Variants in PCDHGA9 observed in about 807,000 individuals in gnomAD.
PCDHGA9 encodes protocadherin gamma subfamily A, 9.
Under a neutral mutation model 62.5 loss-of-function variants are expected in PCDHGA9, and 37 were observed. The ratio of observed to expected loss-of-function variants is 0.59; its 90% confidence interval spans 0.46 to 0.78. The LOEUF (loss-of-function observed/expected upper bound fraction) is 0.78, where lower values mean the gene tolerates loss of function less well. Among genes scored for constraint, PCDHGA9 ranks in the 30% least tolerant of loss-of-function variants. The pLI is 0.00. For synonymous variants in PCDHGA9, 459 were observed against 484.6 expected (o/e 0.95, Z 0.69); for missense variants, 1,138 against 1,166.2 (o/e 0.98, Z 0.35).
chr5:141,447,208 C>T (rs1226099966), intron 1 of PCDHGA9, among the ~76,000 whole-genome samples: 1 of 152,078 alleles, frequency 6.6e-6, no homozygotes, highest in Non-Finnish European at 1.5e-5. Flanking sequence ...GGCTTGATCT[C>T]GGCTCACTGC....
chr5:141,496,766 CT>C (rs1361332988), intron 2 of PCDHGA9, among the ~76,000 whole-genome samples: 1 of 152,068 alleles, frequency 6.6e-6, no homozygotes, highest in Non-Finnish European at 1.5e-5. Context: ...TATCGAGCAT[CT>C]ACTATGAGCA....
At chr5:141,458,100 A>AT (rs2098937418) in intron 1 of PCDHGA9, among the ~76,000 whole-genome samples, 1 of 152,252 alleles carries the variant, frequency 6.6e-6, no homozygotes, top group Non-Finnish European at 1.5e-5. Context: ...GAGTACTTAC[A>AT]GATAGTCTCC....
rs191642740 is a variant in PCDHGA9 at position 141,509,833 on chromosome 5, C to T, written c.2573-1114C>T. On this transcript the variant is annotated intron_variant, in intron 3 of 3. Coordinates refer to ENST00000573521, the MANE Select transcript of PCDHGA9 (RefSeq NM_018921.3). ...GAGCTCTTCTCCATCTTCTCTCTAC[C>T]TCCCATTCACTCAGAACAGGGATAA... 2.6e-5 allele frequency among the ~76,000 whole-genome samples: 4 copies of T among 152,300 alleles called. No individual in the cohort carries two copies. The East Asian group carries it at 7.7e-4, about 29-fold the overall frequency.
At chr5:141,462,651 CA>C (rs60282352) in intron 1 of PCDHGA9, among the ~76,000 whole-genome samples, 42,411 of 152,004 alleles carry the variant, frequency 0.28, 6,634 homozygotes, top group African/African-American at 0.43. Flanking sequence ...TTTCCATCCT[CA>C]ATTATCTTCA....
Position 141,490,667 on chromosome 5 carries a change from T to C in PCDHGA9, c.2425-4140T>C, listed in dbSNP as rs906656199. The stretch of plus-strand genomic sequence containing the variant: ...CCTCCGGGCTCCCTTCTTTGCACTG[T>C]GGCTGCCTCAGATCCAGACACTGGG... On this transcript the variant is annotated intron_variant, in intron 1 of 3. Transcript: ENST00000573521. This position sits in a 1 kb window ranked among gnomAD's most constrained non-coding sequence, Gnocchi z 5.4. The C allele has an allele frequency of 6.8e-6, 11 of 1,614,206 alleles. 1 individual carries two copies. The highest frequency in any genetic ancestry group is 4.5e-5 in the East Asian group (2 of 44,876).
At chr5:141,419,635 G>A in intron 1 of PCDHGA9, 1 of 1,612,480 alleles carries the variant, frequency 6.2e-7, no homozygotes, top group African/African-American at 1.3e-5. Flanking sequence ...CCAAGGTGGT[G>A]GCCGTGGACG....
intron 1 of PCDHGA9, among the ~76,000 whole-genome samples, chr5:141,442,926 T>C (rs2098353621): frequency 6.6e-6 from 1 of 152,240 alleles, no homozygotes; most frequent in African/African-American, 2.4e-5. Flanking sequence ...TGTTTCATTT[T>C]CTATTTAAGA....
intron 1 of PCDHGA9, chr5:141,427,206 G>C (rs1224325038): frequency 1.1e-5 from 5 of 456,606 alleles, no homozygotes; most frequent in Admixed American, 2.3e-5. Context: ...AATAGACTTC[G>C]AATTTCGTAG....
At chr5:141,427,188 A>G (rs1346514063) in intron 1 of PCDHGA9, 1 of 456,744 alleles carries the variant, frequency 2.2e-6, no homozygotes, top group Admixed American at 2.3e-5. Flanking sequence ...AATTAAATCC[A>G]AAGACTTAAT....
At chr5:141,438,710 G>C (rs568772648) in intron 1 of PCDHGA9, among the ~76,000 whole-genome samples, 2 of 147,308 alleles carry the variant, frequency 1.4e-5, no homozygotes, top group South Asian at 4.3e-4. Context: ...ACCCAGGCTG[G>C]AGTGCAAGTG....
At chr5:141,450,006 C>CTTTTTTT (rs1554136305) in intron 1 of PCDHGA9, among the ~76,000 whole-genome samples, 1 of 132,982 alleles carries the variant, frequency 7.5e-6, no homozygotes, top group Admixed American at 7.8e-5. Context: ...TGCCATGTCT[C>CTTTTTTT]TTTTTTTTTT....
At chr5:141,501,926 C>T (rs1388315216) in intron 2 of PCDHGA9, among the ~76,000 whole-genome samples, 1 of 152,126 alleles carries the variant, frequency 6.6e-6, no homozygotes, top group African/African-American at 2.4e-5. Flanking sequence ...AGCTTTGTTC[C>T]CTCAACACCA....
At chr5:141,438,629 TATATATACAC>T (rs1412065186) in intron 1 of PCDHGA9, among the ~76,000 whole-genome samples, 590 of 47,950 alleles carry the variant, frequency 0.012, no homozygotes, top group African/African-American at 0.039. Flanking sequence ...TATATATATA[TATATATACAC>T]ACACACACAC....
At chr5:141,472,849 G>C (rs966051912) in intron 1 of PCDHGA9, among the ~76,000 whole-genome samples, 1 of 151,340 alleles carries the variant, frequency 6.6e-6, no homozygotes, top group East Asian at 2.0e-4. Flanking sequence ...AGCTGGGCAT[G>C]GTGGCACATG....
At position 141,465,659 on chromosome 5, in the gene PCDHGA9, T is replaced by C. The variant is rs184749770; in HGVS notation, c.2425-29148T>C. Among the ~76,000 whole-genome samples the C allele has an allele frequency of 3.5e-4, 53 of 152,318 alleles. 1 individual carries two copies. Among genetic ancestry groups the C allele is most frequent in the African/African-American group, 1.2e-3 (50 of 41,576 alleles). ...TGCTTTGAACATCCCAAAAAAGCGC[T>C]TGCCATGACATTTGCTCTTGACCAG... On this transcript the variant is annotated intron_variant, in intron 1 of 3. Transcript: ENST00000573521.
chr5:141,404,330 T>C lies in PCDHGA9; in HGVS notation c.1378T>C (p.Tyr460His). 6.2e-7 allele frequency: 1 copy of C among 1,613,934 alleles called. No homozygotes were observed. The highest frequency in any genetic ancestry group is 1.3e-5 in the African/African-American group (1 of 75,050). ...TTTCTCTCAAGCCTCCTACTCAGTC[T>C]ACCTCCCGGAAAACAACGCCAGAGG... Reference protein sequence around the residue: ...PAFSQASYSVYLPENNARGTS... With the variant: ...PAFSQASYSVHLPENNARGTS... Residue 460 changes from tyrosine to histidine, a missense_variant, in exon 1 of 4, where the codon TAC becomes CAC. Tyr to His is a moderately conservative substitution (Grantham distance 83, BLOSUM62 2). Transcript: ENST00000573521.
intron 1 of PCDHGA9, chr5:141,478,024 C>T: frequency 2.5e-6 from 4 of 1,614,188 alleles, no homozygotes; most frequent in Non-Finnish European, 3.4e-6. Context: ...CAGTCCAAGA[C>T]ACAGATTCAC....
chr5:141,504,705 T>C (rs960774850), intron 2 of PCDHGA9, among the ~76,000 whole-genome samples: 19 of 151,608 alleles, frequency 1.3e-4, no homozygotes, highest in Middle Eastern at 3.4e-3. Flanking sequence ...GGTTCTTCTA[T>C]GGCCGTGGAT....
Position 141,432,492 on chromosome 5 carries a change from C to G in PCDHGA9, c.2424+27116C>G. The G allele has an allele frequency of 6.2e-7, 1 of 1,614,168 alleles. No individual in the cohort carries two copies. The highest frequency in any genetic ancestry group is 8.5e-7 in the Non-Finnish European group (1 of 1,180,040). On this transcript the variant is annotated intron_variant, in intron 1 of 3. Transcript: ENST00000573521. This position sits in a 1 kb window ranked among gnomAD's most constrained non-coding sequence, Gnocchi z 6.0. Reference sequence around the variant, plus strand: ...GACGGTTCCACTGGCGTGGAGCTGGCTCCCCGCTCCGCAGAGCCCGGCTAC... The same window carrying G: ...GACGGTTCCACTGGCGTGGAGCTGGGTCCCCGCTCCGCAGAGCCCGGCTAC...
Sources: gnomAD v4.1 joint callset for allele counts (sites outside exome capture counted in the v4.1 genomes callset) on GRCh38, gnomAD v4.1.1 for gene constraint, Gnocchi (gnomAD v3.1) non-coding constraint, MANE v1.5 for transcripts, NCBI Gene and HGNC (gene_info 2026-07-23, HGNC 2026-07-21) for gene names.